COA1: variants seen among roughly 807,000 people sequenced by gnomAD.
COA1 encodes the protein cytochrome c oxidase assembly factor 1.
Under a neutral mutation model 16.0 loss-of-function variants are expected in COA1, and 13 were observed. That is an observed-to-expected ratio of 0.81 (90% CI 0.53 to 1.29). COA1 has a LOEUF of 1.29. Ranked by LOEUF, COA1 falls within the 50% of genes most tolerant of loss-of-function variation. The pLI is 0.00. For missense variants in COA1, 179 were observed against 177.0 expected, an observed-to-expected ratio of 1.01 and a Z score of -0.06; for synonymous variants, 65 against 65.7, an observed-to-expected ratio of 0.99 and a Z score of 0.05.
intron 1 of COA1, among the ~76,000 whole-genome samples, chr7:43,727,829 A>G (rs1258521229): frequency 6.6e-6 from 1 of 152,258 alleles, no homozygotes; most frequent in East Asian, 1.9e-4. Flanking sequence ...ACATGAACAA[A>G]AGAATACAAG....
intron 6 of COA1, chr7:43,625,569 C>G (rs2084418289): frequency 6.6e-6 from 1 of 152,266 alleles, no homozygotes; most frequent in South Asian, 2.1e-4. Flanking sequence ...ACCACACTCA[C>G]ATGCATCTGT....
At chr7:43,630,986 CAAG>C (rs2085120601) in intron 6 of COA1, among the ~76,000 whole-genome samples, 1 of 152,086 alleles carries the variant, frequency 6.6e-6, no homozygotes, top group East Asian at 1.9e-4. Flanking sequence ...TTAGAAAACT[CAAG>C]GAGGAAAGTC....
At chr7:43,661,825 GA>G (rs1409031856) in intron 1 of COA1, among the ~76,000 whole-genome samples, 1 of 152,128 alleles carries the variant, frequency 6.6e-6, no homozygotes, top group East Asian at 1.9e-4. Context: ...TACTTGTCCT[GA>G]AAAGGAAAAA....
chr7:43,697,592 AT>A (rs1362801321), intron 1 of COA1, among the ~76,000 whole-genome samples: 1 of 152,144 alleles, frequency 6.6e-6, no homozygotes, highest in East Asian at 1.9e-4. Context: ...CTGGAAACTT[AT>A]TTGATTAAAA....
At chr7:43,679,264 CAAAAA>C (rs10618048) in intron 1 of COA1, among the ~76,000 whole-genome samples, 6 of 84,082 alleles carry the variant, frequency 7.1e-5, no homozygotes, top group Non-Finnish European at 8.9e-5. Context: ...AACTCCATTG[CAAAAA>C]AAAAAAAAAA....
intron 6 of COA1, among the ~76,000 whole-genome samples, chr7:43,615,136 A>T (rs1412648001): frequency 1.3e-5 from 2 of 152,154 alleles, no homozygotes; most frequent in Non-Finnish European, 2.9e-5. Flanking sequence ...TGCCTGAATA[A>T]TAAGACATTT....
chr7:43,661,563 A>G (rs2092428773), intron 1 of COA1, among the ~76,000 whole-genome samples: 1 of 149,576 alleles, frequency 6.7e-6, no homozygotes. Context: ...TGAACCCGGG[A>G]GGCGGAGCTT....
At chr7:43,682,053 G>C (rs1394139934) in intron 1 of COA1, among the ~76,000 whole-genome samples, 1 of 152,182 alleles carries the variant, frequency 6.6e-6, no homozygotes, top group Non-Finnish European at 1.5e-5. Context: ...TCTCTAAGGA[G>C]GTTAATGGGC....
intron 1 of COA1, among the ~76,000 whole-genome samples, chr7:43,675,961 C>A (rs2093496791): frequency 6.6e-6 from 1 of 151,908 alleles, no homozygotes. Flanking sequence ...ATTAAGAGAC[C>A]CTTAACAGAC....
Position 43,645,372 on chromosome 7 carries a change from T to A in COA1, c.143A>T (p.Lys48Met). The change falls in exon 4 of 6, where the codon AAG (lysine) becomes ATG (methionine). Residue 48 changes from lysine to methionine, a missense_variant. Transcript: ENST00000223336. ...QKFHSRALYYKLAVEQLQSHP... is the reference protein window; with the variant it reads ...QKFHSRALYYMLAVEQLQSHP... ...GCTCTGCAGCTGCTCCACTGCCAACTTGTAATATAAAGCCCTGGAATGAAA... is the reference window on the plus strand; with the variant it reads ...GCTCTGCAGCTGCTCCACTGCCAACATGTAATATAAAGCCCTGGAATGAAA... 6.2e-7 allele frequency: 1 copy of A among 1,614,100 alleles called. No homozygotes were observed.
At chr7:43,639,745 A>C in intron 5 of COA1, 64 bp from the exon 6 acceptor site, 1 of 1,288,376 alleles carries the variant, frequency 7.8e-7, no homozygotes, top group Admixed American at 1.9e-5. Context: ...CCGTAGTCAA[A>C]AAAAGGGGCG....
chr7:43,690,513 T>C (rs2094229459), intron 1 of COA1, among the ~76,000 whole-genome samples: 3 of 151,848 alleles, frequency 2.0e-5, no homozygotes, highest in Admixed American at 6.6e-5. Context: ...TACTCAGCCA[T>C]AAAAATGAAT....
intron 1 of COA1, among the ~76,000 whole-genome samples, chr7:43,682,532 G>C (rs1184978730): frequency 1.3e-5 from 2 of 152,134 alleles, no homozygotes; most frequent in Admixed American, 6.5e-5. Flanking sequence ...ACAACAGAAA[G>C]ATGAAAATTG....
chr7:43,644,793 G>GGC (rs1554501680), intron 4 of COA1, among the ~76,000 whole-genome samples: 45 of 123,688 alleles, frequency 3.6e-4, no homozygotes, highest in Non-Finnish European at 6.2e-4. Flanking sequence ...CAGGCAGGCA[G>GGC]AGAGACAGAG....
intron 1 of COA1, among the ~76,000 whole-genome samples, chr7:43,685,748 C>A (rs1311178199): frequency 6.6e-6 from 1 of 152,118 alleles, no homozygotes; most frequent in African/African-American, 2.4e-5. Flanking sequence ...ACCAAATTAA[C>A]ACCACAACCT....
At chr7:43,726,181 G>A (rs1398677523) in intron 1 of COA1, among the ~76,000 whole-genome samples, 1 of 152,100 alleles carries the variant, frequency 6.6e-6, no homozygotes, top group African/African-American at 2.4e-5. Context: ...TTAAAATAGA[G>A]AGTTAAATGA....
At chr7:43,630,298 T>G (rs1181008854) in intron 6 of COA1, among the ~76,000 whole-genome samples, 6 of 152,210 alleles carry the variant, frequency 3.9e-5, no homozygotes, top group African/African-American at 9.7e-5. Context: ...TATGACATTT[T>G]CTCCTTGCCA....
At chr7:43,696,234 A>G (rs980982660) in intron 1 of COA1, among the ~76,000 whole-genome samples, 3 of 152,216 alleles carry the variant, frequency 2.0e-5, no homozygotes, top group Non-Finnish European at 4.4e-5. Flanking sequence ...CAAAGAGAAA[A>G]TGAACCAGCA....
intron 1 of COA1, among the ~76,000 whole-genome samples, chr7:43,656,587 G>A (rs189735961): frequency 3.5e-4 from 53 of 152,226 alleles, no homozygotes; most frequent in African/African-American, 1.2e-3. Context: ...CCAGCTACTC[G>A]GGAGGCTGAG....
Sources: gnomAD v4.1 joint callset for allele counts (sites outside exome capture counted in the v4.1 genomes callset) on GRCh38, gnomAD v4.1.1 for gene constraint, MANE v1.5 for transcripts, NCBI Gene and HGNC (gene_info 2026-07-23, HGNC 2026-07-21) for gene names.